TBC1D19: variants seen among roughly 807,000 people sequenced by gnomAD.
TBC1D19 encodes TBC1 domain family, member 19.
Under a neutral mutation model 89.0 loss-of-function variants are expected in TBC1D19, and 60 were observed. The observed-to-expected ratio is 0.67, with a 90% CI of 0.55 to 0.84. TBC1D19 has a LOEUF of 0.84. Among genes scored for constraint, TBC1D19 ranks in the 40% least tolerant of loss-of-function variants. The pLI, the probability that TBC1D19 is intolerant of heterozygous loss-of-function variation, is 0.00. For missense variants in TBC1D19, 500 were observed against 610.8 expected, an observed-to-expected ratio of 0.82 and a Z score of 1.91; for synonymous variants, 189 against 199.7, an observed-to-expected ratio of 0.95 and a Z score of 0.45.
chr4:26,814,802 C>T, the TBC1D19 span, among the ~76,000 whole-genome samples: 306 of 152,322 alleles, frequency 2.0e-3, 2 homozygotes, highest in African/African-American at 6.9e-3. Flanking sequence ...GGGCAGATCA[C>T]TTGAGGCCAG....
At chr4:26,660,715 G>A (rs914424410) in intron 8 of TBC1D19, among the ~76,000 whole-genome samples, 4 of 152,146 alleles carry the variant, frequency 2.6e-5, no homozygotes, top group African/African-American at 9.7e-5. Flanking sequence ...AATAGTCCAG[G>A]TCTAAGCTGC....
chr4:26,664,760 TC>T, intron 8 of TBC1D19, among the ~76,000 whole-genome samples: 2 of 152,046 alleles, frequency 1.3e-5, no homozygotes, highest in South Asian at 4.2e-4. Context: ...TCATTGTCCC[TC>T]CCCCTGTGCT....
At chr4:26,805,925 C>T in the TBC1D19 span, among the ~76,000 whole-genome samples, 7 of 152,206 alleles carry the variant, frequency 4.6e-5, no homozygotes, top group African/African-American at 1.7e-4. Context: ...GAGCCGAGAT[C>T]GCACTATTGC....
chr4:26,700,956 A>G (rs1715272522), intron 13 of TBC1D19, among the ~76,000 whole-genome samples: 2 of 152,074 alleles, frequency 1.3e-5, no homozygotes, highest in African/African-American at 2.4e-5. Context: ...CACATTTTTC[A>G]CAAGAGTCTA....
At chr4:26,743,259 T>G (rs1718473628) in intron 18 of TBC1D19, among the ~76,000 whole-genome samples, 1 of 152,138 alleles carries the variant, frequency 6.6e-6, no homozygotes, top group African/African-American at 2.4e-5. Flanking sequence ...TTTCTCCTGT[T>G]AAGGAGGGCA....
intron 1 of TBC1D19, among the ~76,000 whole-genome samples, chr4:26,591,147 T>C (rs1235597501): frequency 6.6e-6 from 1 of 152,044 alleles, no homozygotes; most frequent in African/African-American, 2.4e-5. Context: ...TGGAATTATG[T>C]GGTATGTAGT....
At chr4:26,772,807 T>C in the TBC1D19 span, among the ~76,000 whole-genome samples, 1 of 152,246 alleles carries the variant, frequency 6.6e-6, no homozygotes. Context: ...CATTCCTTTT[T>C]ATGGCTGCAT....
At chr4:26,677,269 A>T (rs1386386351) in intron 11 of TBC1D19, among the ~76,000 whole-genome samples, 1 of 152,144 alleles carries the variant, frequency 6.6e-6, no homozygotes, top group Admixed American at 6.5e-5. Context: ...GGATTAAAAA[A>T]AAACAAAACC....
chr4:26,588,056 C>T (rs1245294544), intron 1 of TBC1D19, among the ~76,000 whole-genome samples: 1 of 133,552 alleles, frequency 7.5e-6, no homozygotes, highest in African/African-American at 3.0e-5. Flanking sequence ...GGTGAAATCT[C>T]GCTTTGTCGC....
chr4:26,606,915 C>T (rs1489976123), intron 1 of TBC1D19, among the ~76,000 whole-genome samples: 3 of 152,136 alleles, frequency 2.0e-5, no homozygotes, highest in African/African-American at 7.2e-5. Context: ...TTTGGCCCAG[C>T]TACTATTTTA....
At chr4:26,782,074 C>T in the TBC1D19 span, among the ~76,000 whole-genome samples, 6 of 152,150 alleles carry the variant, frequency 3.9e-5, no homozygotes, top group Non-Finnish European at 8.8e-5. Context: ...TCTTCCTGCT[C>T]ACATATGTAA....
intron 3 of TBC1D19, among the ~76,000 whole-genome samples, chr4:26,616,128 T>C (rs1412354338): frequency 1.3e-5 from 2 of 151,988 alleles, no homozygotes; most frequent in Non-Finnish European, 2.9e-5. Context: ...AGAAACAAGA[T>C]AAAACAAAAA....
chr4:26,792,852 C>A, the TBC1D19 span, among the ~76,000 whole-genome samples: 1 of 152,226 alleles, frequency 6.6e-6, no homozygotes, highest in Admixed American at 6.5e-5. Flanking sequence ...CTGAGCACAG[C>A]TCCTTCCTGT....
chr4:26,852,832 G>A, the TBC1D19 span, among the ~76,000 whole-genome samples: 2 of 152,124 alleles, frequency 1.3e-5, no homozygotes, highest in African/African-American at 4.8e-5. Flanking sequence ...CGTTAGCCAG[G>A]ATGGTCTCGA....
rs1332271253 is a variant in TBC1D19 at position 26,584,190 on chromosome 4, G to T, written c.-4G>T. 3 of 1,608,500 alleles carry T rather than the reference G, an allele frequency of 1.9e-6. No homozygotes were observed. The highest frequency in any genetic ancestry group is 2.2e-5 in the East Asian group (1 of 44,678). ...CCGCGGCTTGGCGGGCTAGGGCAGG[G>T]GAAATGTTGCAGGAGGAGTCGGACC... On this transcript the variant is annotated 5_prime_UTR_variant, in exon 1 of 21. Coordinates refer to ENST00000264866, the MANE Select transcript of TBC1D19 (RefSeq NM_018317.4).
intron 1 of TBC1D19, among the ~76,000 whole-genome samples, chr4:26,604,852 T>C (rs553457389): frequency 2.6e-5 from 4 of 151,142 alleles, no homozygotes; most frequent in Non-Finnish European, 2.9e-5. Flanking sequence ...CCACTGCACT[T>C]CAGCCTGGGC....
intron 18 of TBC1D19, among the ~76,000 whole-genome samples, chr4:26,743,760 A>C (rs1718499728): frequency 6.6e-6 from 1 of 151,836 alleles, no homozygotes; most frequent in East Asian, 1.9e-4. Flanking sequence ...GAAATATTTT[A>C]TATTGAGCAT....
chr4:26,694,160 G>A (rs1003486883), intron 13 of TBC1D19, among the ~76,000 whole-genome samples: 1 of 152,140 alleles, frequency 6.6e-6, no homozygotes, highest in African/African-American at 2.4e-5. Flanking sequence ...AAGAGAAGGG[G>A]TGACAGACGG....
At chr4:26,805,650 A>G in the TBC1D19 span, among the ~76,000 whole-genome samples, 2 of 151,566 alleles carry the variant, frequency 1.3e-5, no homozygotes, top group Admixed American at 6.6e-5. Flanking sequence ...CCCCACCTCC[A>G]CCCTTACCTA....
Sources: allele counts gnomAD v4.1 joint callset (sites outside exome capture counted in the v4.1 genomes callset), GRCh38; gene constraint gnomAD v4.1.1; transcripts MANE v1.5; gene names NCBI Gene and HGNC (gene_info 2026-07-23, HGNC 2026-07-21).